The following HK1 variants were observed in gnomAD, a reference collection of about 807,000 sequenced individuals.
HK1 encodes hexokinase-1.
A neutral mutation model predicts 91.6 loss-of-function variants in HK1; 28 were observed. That is an observed-to-expected ratio of 0.31 (90% CI 0.23 to 0.42). The LOEUF (loss-of-function observed/expected upper bound fraction) is 0.42. Among genes scored for constraint, HK1 ranks in the 10% least tolerant of loss-of-function variants. The probability of loss-of-function intolerance (pLI) is 1.00; values close to 1 mark genes in which losing one functional copy is unlikely to be tolerated. For synonymous variants in HK1, 430 were observed against 468.1 expected (o/e 0.92, Z 1.05); for missense variants, 770 against 1,219.8 (o/e 0.63, Z 5.49).
chr10:69,382,130 C>T (rs983047369), intron 9 of HK1, among the ~76,000 whole-genome samples: 1 of 152,218 alleles, frequency 6.6e-6, no homozygotes, highest in African/African-American at 2.4e-5. Flanking sequence ...TGGCCCATGC[C>T]TGTAATCCCA....
chr10:69,399,376 G>A (rs1306591445), intron 17 of HK1, among the ~76,000 whole-genome samples: 1 of 152,180 alleles, frequency 6.6e-6, no homozygotes, highest in African/African-American at 2.4e-5. Context: ...GCCAGGGATG[G>A]TGGTGAATGC....
intron 3 of HK1, among the ~76,000 whole-genome samples, chr10:69,293,617 C>T (rs184562698): frequency 9.2e-5 from 14 of 152,258 alleles, no homozygotes; most frequent in Non-Finnish European, 1.9e-4. Context: ...TCACCTGGAA[C>T]GGCTCTTCTC....
At chr10:69,388,070 GA>G (rs567603222) in intron 13 of HK1, among the ~76,000 whole-genome samples, 2 of 151,086 alleles carry the variant, frequency 1.3e-5, no homozygotes, top group South Asian at 2.1e-4. Context: ...CAGTTAAATA[GA>G]AAAAAAACAA....
intron 1 of HK1, among the ~76,000 whole-genome samples, chr10:69,325,433 T>C (rs368252676): frequency 6.7e-6 from 1 of 148,510 alleles, no homozygotes; most frequent in Non-Finnish European, 1.5e-5. Context: ...TCTCGGCTCA[T>C]TGCAACCTCT....
At chr10:69,352,622 G>T (rs1848936449) in intron 2 of HK1, among the ~76,000 whole-genome samples, 1 of 152,174 alleles carries the variant, frequency 6.6e-6, no homozygotes, top group Non-Finnish European at 1.5e-5. Flanking sequence ...CAGACACAAA[G>T]GACCTAATAT....
At position 69,369,404 on chromosome 10, in the gene HK1, G is replaced by A. The variant is rs1053608225; in HGVS notation, c.692-37G>A. 5.6e-6 allele frequency: 9 copies of A among 1,613,946 alleles called. No homozygotes were observed. Among genetic ancestry groups the A allele is most frequent in the African/African-American group, 1.3e-5 (1 of 74,920 alleles). On this transcript the variant is annotated intron_variant, in intron 6 of 17. Coordinates refer to ENST00000359426, the MANE Select transcript of HK1 (RefSeq NM_000188.3). The surrounding 1 kb of genome is among the most constrained non-coding windows in gnomAD (Gnocchi z 4.4). ...TTCCAGGTGGCTCTGCACCCTCCCCGTTGTGTGGTCATAGCTTCTGATCTT... is the reference window on the plus strand; with the variant it reads ...TTCCAGGTGGCTCTGCACCCTCCCCATTGTGTGGTCATAGCTTCTGATCTT...
chr10:69,354,283 G>A (rs770831803), intron 2 of HK1, among the ~76,000 whole-genome samples: 1 of 152,176 alleles, frequency 6.6e-6, no homozygotes, highest in Non-Finnish European at 1.5e-5. Flanking sequence ...GTATTAGTCC[G>A]TTTTCATACT....
rs376198465 is a variant in HK1, at chr10:69,323,244, C to CAA, written c.63+4247_63+4248dup. The stretch of plus-strand genomic sequence containing the variant: ...TGGGCAACAGAGCGAAACTCTGTCT[C>CAA]AAAAAAAAAAAAAAGAAAATTATGA... On this transcript the variant is annotated intron_variant, in intron 1 of 17. Coordinates refer to ENST00000359426, the MANE Select transcript of HK1 (RefSeq NM_000188.3). 7.5e-4 allele frequency among the ~76,000 whole-genome samples: 69 copies of CAA among 92,436 alleles called. 1 individual carries two copies. In the South Asian group the frequency reaches 0.021, roughly 28 times the overall value. The allele number at this position is 92,436 out of a possible 152,430, so 60.6% of individuals were successfully genotyped here.
intron 5 of HK1, among the ~76,000 whole-genome samples, chr10:69,305,387 C>T (rs537634761): frequency 6.6e-6 from 1 of 152,248 alleles, no homozygotes; most frequent in South Asian, 2.1e-4. Flanking sequence ...TTTATTAGGA[C>T]AAAGGGGAAA....
At chr10:69,344,097 A>G (rs1848430370) in intron 2 of HK1, 108 bp downstream of exon 2, 2 of 1,130,698 alleles carry the variant, frequency 1.8e-6, no homozygotes, top group African/African-American at 3.1e-5. Flanking sequence ...TCACCATTCC[A>G]TCAATCTGCT....
At chr10:69,393,305 C>CTTTTTT (rs199574875) in intron 15 of HK1, among the ~76,000 whole-genome samples, 3 of 145,520 alleles carry the variant, frequency 2.1e-5, no homozygotes, top group Admixed American at 7.0e-5. Context: ...CTTTTCTTTT[C>CTTTTTT]TTTTCTTTTT....
At chr10:69,342,424 G>A (rs1260353224) in intron 1 of HK1, among the ~76,000 whole-genome samples, 1 of 152,208 alleles carries the variant, frequency 6.6e-6, no homozygotes, top group Non-Finnish European at 1.5e-5. Context: ...GGAAGTGACA[G>A]TTGATTTGAA....
intron 1 of HK1, 27 bp downstream of exon 1, chr10:69,319,037 G>A (rs1275658436): frequency 5.0e-6 from 8 of 1,584,656 alleles, no homozygotes; most frequent in Non-Finnish European, 6.9e-6. Flanking sequence ...GCCGCCGCTG[G>A]TCCTGGCCGC....
chr10:69,291,332 G>A (rs1845289556), intron 3 of HK1, among the ~76,000 whole-genome samples: 1 of 152,246 alleles, frequency 6.6e-6, no homozygotes, highest in South Asian at 2.1e-4. Context: ...CTCAGACACA[G>A]ATGGAAATCC....
chr10:69,301,612 C>T (rs1845877166), intron 5 of HK1, among the ~76,000 whole-genome samples: 1 of 149,284 alleles, frequency 6.7e-6, no homozygotes, highest in African/African-American at 2.5e-5. Context: ...AAAACAATTC[C>T]ATGTATAATA....
chr10:69,344,638 G>T (rs1589516029), intron 2 of HK1, among the ~76,000 whole-genome samples: 1 of 152,246 alleles, frequency 6.6e-6, no homozygotes, highest in Admixed American at 6.5e-5. Context: ...GGGCGTTGGG[G>T]GAGGGCCCCC....
chr10:69,380,576 G>C lies in HK1; in HGVS notation c.1265+481G>C, dbSNP rs1839340749. On this transcript the variant is annotated intron_variant, in intron 9 of 17. Transcript: ENST00000359426. This position sits in a 1 kb window ranked among gnomAD's most constrained non-coding sequence, Gnocchi z 4.0. ...GTGTGGTACCCACATTCTTGTTTCAGAAGCTCCTGTTAAAACCCCCCAAAC... is the reference window on the plus strand; with the variant it reads ...GTGTGGTACCCACATTCTTGTTTCACAAGCTCCTGTTAAAACCCCCCAAAC... Among the ~76,000 whole-genome samples, 1 of 152,192 alleles carries C rather than the reference G, an allele frequency of 6.6e-6. No individual in the cohort carries two copies. Among genetic ancestry groups the C allele is most frequent in the Non-Finnish European group, 1.5e-5 (1 of 68,040 alleles).
rs2132989940 is a variant in HK1, at chr10:69,401,599, G to A, written c.*464G>A. On this transcript the variant is annotated 3_prime_UTR_variant, in exon 18 of 18. Coordinates refer to ENST00000359426, the MANE Select transcript of HK1 (RefSeq NM_000188.3). Reference sequence around the variant, plus strand: ...GGGCACTGCCTGAAGGCGAGTGTGGGCATAGCATTAGCTGCTTCCTCCCCT... The same window carrying A: ...GGGCACTGCCTGAAGGCGAGTGTGGACATAGCATTAGCTGCTTCCTCCCCT... 2.5e-6 allele frequency: 1 copy of A among 398,194 alleles called. No individual in the cohort carries two copies. The highest frequency in any genetic ancestry group is 5.0e-6 in the Non-Finnish European group (1 of 201,618). 24.7% of individuals were successfully genotyped at this position (398,194 alleles called of 1,614,324 possible). A position where few individuals can be genotyped will look rare whatever the true frequency, so the allele number is the denominator to read the frequency against.
At chr10:69,373,915 C>T (rs143224949) in intron 7 of HK1, among the ~76,000 whole-genome samples, 9 of 152,278 alleles carry the variant, frequency 5.9e-5, no homozygotes, top group African/African-American at 2.2e-4. Context: ...CTCTTCTGCT[C>T]TTGCTCTGTG....
Sources: gnomAD v4.1 joint callset for allele counts (sites outside exome capture counted in the v4.1 genomes callset) on GRCh38, gnomAD v4.1.1 for gene constraint, Gnocchi (gnomAD v3.1) non-coding constraint, MANE v1.5 for transcripts, NCBI Gene and HGNC (gene_info 2026-07-23, HGNC 2026-07-21) for gene names.